The following ACTN3 variants were observed in gnomAD, a reference collection of about 807,000 sequenced individuals.
The protein encoded by ACTN3 is actinin alpha 3, also known as alpha-actinin-3.
In ACTN3, 91 loss-of-function variants were observed where a neutral mutation model predicts 119.6. The ratio of observed to expected loss-of-function variants is 0.76; its 90% CI spans 0.64 to 0.91. The LOEUF (loss-of-function observed/expected upper bound fraction) is 0.91, where lower values mean the gene tolerates loss of function less well. ACTN3 is among the 40% of genes least tolerant of loss of function. ACTN3 has a pLI of 0.00. For missense variants in ACTN3, 1,221 were observed against 1,215.1 expected, an observed-to-expected ratio of 1.00 and a Z score of -0.07; for synonymous variants, 456 against 478.8, an observed-to-expected ratio of 0.95 and a Z score of 0.62.
intron 1 of ACTN3, among the ~76,000 whole-genome samples, chr11:66,549,896 A>G (rs1857438351): frequency 6.6e-6 from 1 of 152,132 alleles, no homozygotes; most frequent in African/African-American, 2.4e-5. Flanking sequence ...AGTTGTACTC[A>G]GTGTCTACTT....
intron 3 of ACTN3, among the ~76,000 whole-genome samples, chr11:66,552,301 C>T (rs1312185910): frequency 2.0e-5 from 3 of 151,418 alleles, no homozygotes; most frequent in South Asian, 2.1e-4. Flanking sequence ...ACCCGGGAGG[C>T]CGAGGTTGCA....
At position 66,559,402 on chromosome 11, in the gene ACTN3, C is replaced by A. The variant is rs756328623; in HGVS notation, c.1427+16C>A. The A allele has an allele frequency of 1.1e-5, 16 of 1,477,322 alleles. No homozygotes were observed. The East Asian group carries it at 4.1e-4, about 38-fold the overall frequency. The allele number at this position is 1,477,322 out of a possible 1,614,324, so 91.5% of individuals were successfully genotyped here. On this transcript the variant is annotated intron_variant, in intron 12 of 20. Transcript: ENST00000513398. ...AGGAGCTCAAGTAGGCGGGGCCTCG[C>A]GGGGCCCGCCCCCAACACCCCCGGC...
In ACTN3 at chr11:66,551,551, A is replaced by G; in HGVS notation, c.286A>G (p.Lys96Glu). The G allele has an allele frequency of 6.2e-7, 1 of 1,614,054 alleles. No homozygotes were observed. Among genetic ancestry groups the G allele is most frequent in the African/African-American group, 1.3e-5 (1 of 75,044 alleles). Residue 96 changes from lysine (K) to glutamate (E), a missense_variant, in exon 3 of 21, where the codon AAA becomes GAA. Lys to Glu is a moderately conservative substitution (Grantham distance 56, BLOSUM62 1). Around this residue, in one of 3 missense-constraint regions of ACTN3, gnomAD observed 239 missense variants for 231.8 expected, o/e 1.03. Coordinates refer to ENST00000513398, the MANE Select transcript of ACTN3 (RefSeq NM_001104.4). Reference protein sequence around the residue: ...ISGERLPRPDKGKMRFHKIAN... With the variant: ...ISGERLPRPDEGKMRFHKIAN... ...AGGTGAGAGGCTGCCTAGGCCAGAT[A>G]AAGGCAAGATGCGCTTCCACAAAAT...
intron 1 of ACTN3, among the ~76,000 whole-genome samples, chr11:66,547,415 ATCT>A (rs918042305): frequency 2.6e-5 from 4 of 152,108 alleles, no homozygotes; most frequent in Non-Finnish European, 4.4e-5. Flanking sequence ...AGAAAGAAGA[ATCT>A]TCTTCTAGTT....
In ACTN3 at chr11:66,554,592, C is replaced by T. The variant is rs775456822; in HGVS notation, c.526C>T (p.Arg176Cys). 1.4e-5 allele frequency: 23 copies of T among 1,612,582 alleles called. No homozygotes were observed. The East Asian group carries it at 3.3e-4, about 23-fold the overall frequency. The change falls in exon 5 of 21, where the codon CGC (arginine) becomes TGC (cysteine). Residue 176 changes from arginine to cysteine, a missense_variant. Arg to Cys is a radical substitution (Grantham distance 180). Transcript: ENST00000513398. ...LWCQRKTAPY[R>C]NVNVQNFHTS... ...GTGCCAGAGGAAGACAGCACCGTAC[C>T]GCAACGTCAACGTGCAGAACTTCCA...
At chr11:66,556,882 T>C (rs1857601045) in intron 8 of ACTN3, among the ~76,000 whole-genome samples, 1 of 152,198 alleles carries the variant, frequency 6.6e-6, no homozygotes, top group Non-Finnish European at 1.5e-5. Flanking sequence ...TGCCTCAGCC[T>C]CCCAGGTAGC....
At chr11:66,551,699 C>T (rs2134920322) in intron 3 of ACTN3, 52 bp downstream of exon 3, 3 of 1,605,952 alleles carry the variant, frequency 1.9e-6, no homozygotes, top group Non-Finnish European at 2.5e-6. Context: ...CCTCTCTTGA[C>T]ATCAGCAAAT....
chr11:66,554,208 C>T (rs568101248), intron 4 of ACTN3, 77 bp downstream of exon 4: 29 of 1,234,130 alleles, frequency 2.3e-5, no homozygotes, highest in East Asian at 1.8e-4. Flanking sequence ...GAGGTCGAGG[C>T]GGGCAGACCA....
chr11:66,547,461 A>G (rs1183867406), intron 1 of ACTN3, among the ~76,000 whole-genome samples: 1 of 152,132 alleles, frequency 6.6e-6, no homozygotes, highest in Non-Finnish European at 1.5e-5. Context: ...GAAGGCTTGC[A>G]GTCAGGCAAC....
intron 7 of ACTN3, among the ~76,000 whole-genome samples, chr11:66,555,731 G>T (rs1857578174): frequency 6.6e-6 from 1 of 152,208 alleles, no homozygotes; most frequent in African/African-American, 2.4e-5. Context: ...AACACTTTCT[G>T]AGCATCTACT....
At chr11:66,556,036 T>G (rs1857582774) in intron 7 of ACTN3, 109 bp from the exon 8 acceptor site, 1 of 977,360 alleles carries the variant, frequency 1.0e-6, no homozygotes. Flanking sequence ...GGTGGCTGGC[T>G]GCTGGTGGCC....
intron 19 of ACTN3, 59 bp from the exon 20 acceptor site, chr11:66,562,737 C>G (rs1453892241): frequency 2.6e-6 from 4 of 1,534,300 alleles, no homozygotes; most frequent in Non-Finnish European, 3.5e-6. Flanking sequence ...GGAGGGGACA[C>G]TGGGAGCCCT....
chr11:66,551,187 C>G, intron 1 of ACTN3, 52 bp from the exon 2 acceptor site: 1 of 1,349,764 alleles, frequency 7.4e-7, no homozygotes, highest in Non-Finnish European at 1.0e-6. Flanking sequence ...GGACTGTGCC[C>G]TACATCCCCC....
At chr11:66,557,376 C>T (rs1188654945) in intron 9 of ACTN3, 151 bp downstream of exon 9, 4 of 238,912 alleles carry the variant, frequency 1.7e-5, no homozygotes, top group Non-Finnish European at 2.7e-5. Flanking sequence ...CCACCCATCA[C>T]CTGCCCTTCT....
At chr11:66,562,496 G>T (rs1301918556) in intron 19 of ACTN3, 174 bp downstream of exon 19, 1 of 325,648 alleles carries the variant, frequency 3.1e-6, no homozygotes, top group Non-Finnish European at 4.4e-6. Context: ...GTTCTGTGTG[G>T]ACCCAAAGTC....
At chr11:66,558,558 G>T (rs1191244385) in intron 11 of ACTN3, among the ~76,000 whole-genome samples, 1 of 152,098 alleles carries the variant, frequency 6.6e-6, no homozygotes. Context: ...TGTAGAGATG[G>T]GTTCTCACTT....
intron 3 of ACTN3, among the ~76,000 whole-genome samples, chr11:66,552,240 C>T (rs184482712): frequency 5.3e-5 from 8 of 151,774 alleles, no homozygotes; most frequent in African/African-American, 1.5e-4. Flanking sequence ...TGTGGCGGCG[C>T]GTGGCTGTAA....
chr11:66,550,309 C>A lies in ACTN3; in HGVS notation c.148-930C>A, dbSNP rs113341514. Among the ~76,000 whole-genome samples, 92 of 152,290 alleles carry A rather than the reference C, an allele frequency of 6.0e-4. 1 individual carries two copies. Among genetic ancestry groups the A allele is most frequent in the African/African-American group, 2.2e-3 (90 of 41,568 alleles). On this transcript the variant is annotated intron_variant, in intron 1 of 20. Transcript: ENST00000513398. The stretch of plus-strand genomic sequence containing the variant: ...GTCTATGGAAAGGCAGAATTCAGGA[C>A]CTGAAGGGCGGTAGGTTGGCAGAAA...
Position 66,554,149 on chromosome 11 carries a change from AG to A in ACTN3, c.469+20del. 6.2e-7 allele frequency: 1 copy of A among 1,612,018 alleles called. No individual in the cohort carries two copies. On this transcript the variant is annotated intron_variant, in intron 4 of 20. Coordinates refer to ENST00000513398, the MANE Select transcript of ACTN3 (RefSeq NM_001104.4). ...TGTGGAAGGTGAGCAATGGGAAAGG[AG>A]GTTGGGGCCAGGTGCAGTGGCTGGG...
Sources: gnomAD v4.1 joint callset for allele counts (sites outside exome capture counted in the v4.1 genomes callset) on GRCh38, gnomAD v4.1.1 for gene constraint, gnomAD v4.1.1 regional missense constraint, MANE v1.5 for transcripts, NCBI Gene and HGNC (gene_info 2026-07-23, HGNC 2026-07-21) for gene names.